TMEM40: variants seen among roughly 807,000 people sequenced by gnomAD.
TMEM40 encodes transmembrane protein 40.
Under a neutral mutation model 40.8 loss-of-function variants are expected in TMEM40, and 34 were observed. The observed-to-expected ratio is 0.83, with a 90% CI of 0.63 to 1.11. The LOEUF (loss-of-function observed/expected upper bound fraction) is 1.11, where lower values mean the gene tolerates loss of function less well. TMEM40 is among the 50% of genes least tolerant of loss of function. TMEM40 has a pLI of 0.00. For missense variants in TMEM40, 296 were observed against 280.2 expected (o/e 1.06, Z -0.40); for synonymous variants, 106 against 107.0 (o/e 0.99, Z 0.06).
At chr3:12,762,131 T>C (rs192717842), upstream of TMEM40, among the ~76,000 whole-genome samples, 1 of 152,040 alleles carries the variant, frequency 6.6e-6, no homozygotes, top group Non-Finnish European at 1.5e-5. Flanking sequence ...CCCGGTTAAC[T>C]TTTACTTTTT....
intron 5 of TMEM40, chr3:12,738,923 G>C: frequency 3.5e-6 from 1 of 287,862 alleles, no homozygotes; most frequent in Non-Finnish European, 6.9e-6. Context: ...GGGAGGCCAA[G>C]GTGGGCGGAT....
chr3:12,767,964 C>T (rs1026050301), intron 1 of TMEM40, among the ~76,000 whole-genome samples: 4 of 152,190 alleles, frequency 2.6e-5, no homozygotes, highest in Non-Finnish European at 5.9e-5. Context: ...TAAGGACCAT[C>T]ATTGCCCCTC....
At chr3:12,756,271 C>T (rs1201948966) in intron 1 of TMEM40, among the ~76,000 whole-genome samples, 3 of 152,060 alleles carry the variant, frequency 2.0e-5, no homozygotes, top group Non-Finnish European at 2.9e-5. Context: ...TCATTCTGGG[C>T]GTACACTGGC....
chr3:12,743,803 A>G (rs546720938), intron 4 of TMEM40, 97 bp downstream of exon 4: 141 of 1,205,630 alleles, frequency 1.2e-4, no homozygotes, highest in Non-Finnish European at 1.7e-4. Flanking sequence ...TTATCCTGCC[A>G]TAAACAATGC....
chr3:12,742,383 G>T (rs953378916), intron 5 of TMEM40, 71 bp downstream of exon 5: 46 of 1,565,548 alleles, frequency 2.9e-5, no homozygotes, highest in Non-Finnish European at 3.8e-5. Flanking sequence ...TCATGACCTT[G>T]TTTCTGCCCA....
chr3:12,736,670 G>A lies in TMEM40; in HGVS notation c.545-18C>T, dbSNP rs1418403220. 1.2e-6 allele frequency: 2 copies of A among 1,611,906 alleles called. No homozygotes were observed. Among genetic ancestry groups the A allele is most frequent in the African/African-American group, 2.7e-5 (2 of 74,846 alleles). On this transcript the variant is annotated intron_variant, in intron 9 of 11. Coordinates refer to ENST00000314124, the MANE Select transcript of TMEM40 (RefSeq NM_018306.4). Reference sequence around the variant, plus strand: ...GAACCAGTCTGGAAGGGCAGTGAGGGAGGGAATGGTCAGCCTCCAGGTCTT... The same window carrying A: ...GAACCAGTCTGGAAGGGCAGTGAGGAAGGGAATGGTCAGCCTCCAGGTCTT...
At chr3:12,756,786 T>G (rs1034477472) in intron 1 of TMEM40, among the ~76,000 whole-genome samples, 3 of 151,608 alleles carry the variant, frequency 2.0e-5, no homozygotes, top group African/African-American at 7.3e-5. Flanking sequence ...TCCCTCTCTC[T>G]CTCTCTATCT....
At chr3:12,742,984 C>T (rs2061395434) in intron 4 of TMEM40, among the ~76,000 whole-genome samples, 1 of 152,180 alleles carries the variant, frequency 6.6e-6, no homozygotes, top group Non-Finnish European at 1.5e-5. Context: ...AGCCTGCATT[C>T]CTAATCATGT....
At chr3:12,738,109 C>T (rs761336772) in intron 7 of TMEM40, 27 bp downstream of exon 7, 5 of 1,613,204 alleles carry the variant, frequency 3.1e-6, no homozygotes, top group Non-Finnish European at 4.2e-6. Flanking sequence ...CCCGCTCTGG[C>T]TCTCCTATTT....
chr3:12,738,692 C>T, intron 5 of TMEM40, 104 bp from the exon 6 acceptor site: 1 of 1,289,654 alleles, frequency 7.8e-7, no homozygotes, highest in Admixed American at 1.7e-5. Context: ...CCCACTTAAT[C>T]TGGAGTCGGC....
chr3:12,766,582 G>A (rs59814890), intron 1 of TMEM40, among the ~76,000 whole-genome samples: 9,415 of 148,254 alleles, frequency 0.064, 953 homozygotes, highest in African/African-American at 0.22. Flanking sequence ...GCGACACAGC[G>A]AGACTCCATC....
chr3:12,763,612 T>C (rs1435763830), upstream of TMEM40, among the ~76,000 whole-genome samples: 2 of 152,166 alleles, frequency 1.3e-5, no homozygotes, highest in African/African-American at 4.8e-5. Context: ...TCAGCAGGCA[T>C]GGGTGTTCTG....
In TMEM40 at chr3:12,733,852, A is replaced by T. The variant is rs2061317931; in HGVS notation, c.*922T>A. On this transcript the variant is annotated 3_prime_UTR_variant, in exon 12 of 12. Coordinates refer to ENST00000314124, the MANE Select transcript of TMEM40 (RefSeq NM_018306.4). Reference sequence around the variant, plus strand: ...TTAGCTTGATTTAGCCATTCCACATATTTCAAAACATGTTGTACACTACAA... The same window carrying T: ...TTAGCTTGATTTAGCCATTCCACATTTTTCAAAACATGTTGTACACTACAA... The T allele has an allele frequency of 6.6e-6, 1 of 151,766 alleles. No homozygotes were observed. Among genetic ancestry groups the T allele is most frequent in the Non-Finnish European group, 1.5e-5 (1 of 67,970 alleles). The allele number at this position is 151,766 out of a possible 1,614,324, so 9.4% of individuals were successfully genotyped here.
intron 5 of TMEM40, among the ~76,000 whole-genome samples, chr3:12,739,714 C>T (rs1249742337): frequency 6.6e-6 from 1 of 151,890 alleles, no homozygotes; most frequent in African/African-American, 2.4e-5. Flanking sequence ...AACTACTATG[C>T]CTAACTTTGC....
At chr3:12,751,279 G>GT (rs35303171) in intron 1 of TMEM40, among the ~76,000 whole-genome samples, 2,208 of 134,288 alleles carry the variant, frequency 0.016, 24 homozygotes, top group Non-Finnish European at 0.021. Context: ...TCCATTACCC[G>GT]TTTTTTTTTT....
Position 12,734,705 on chromosome 3 carries a change from C to T in TMEM40, c.*69G>A, listed in dbSNP as rs908947237. 1 of 1,543,134 alleles carries T rather than the reference C, an allele frequency of 6.5e-7. No homozygotes were observed. The highest frequency in any genetic ancestry group is 8.8e-7 in the Non-Finnish European group (1 of 1,140,286). On this transcript the variant is annotated 3_prime_UTR_variant, in exon 12 of 12. Transcript: ENST00000314124. ...GCGTCTCTCAGAATGCTGCTCTGCC[C>T]TTGTGGGCTCAGGGGTCGCAGTGGT...
chr3:12,763,190 A>C (rs913069212), upstream of TMEM40, among the ~76,000 whole-genome samples: 1 of 150,682 alleles, frequency 6.6e-6, no homozygotes, highest in Non-Finnish European at 1.5e-5. Flanking sequence ...AAAGGTTTAA[A>C]TGCCTGGCAC....
At chr3:12,769,365 TGAG>T (rs1423310700) in exon 1 of TMEM40, 2 of 244,470 alleles carry the variant, frequency 8.2e-6, no homozygotes, top group Non-Finnish European at 1.9e-5. Context: ...GCGCCGAGGC[TGAG>T]GAGGCACCAA....
upstream of TMEM40, among the ~76,000 whole-genome samples, chr3:12,760,651 C>T (rs1180431956): frequency 6.6e-6 from 1 of 152,220 alleles, no homozygotes; most frequent in Non-Finnish European, 1.5e-5. Flanking sequence ...TCACCATCTG[C>T]TGTGCTGCAT....
Sources: allele counts gnomAD v4.1 joint callset (sites outside exome capture counted in the v4.1 genomes callset), GRCh38; gene constraint gnomAD v4.1.1; transcripts MANE v1.5; gene names NCBI Gene and HGNC (gene_info 2026-07-23, HGNC 2026-07-21).